Variants in RARB observed in about 807,000 individuals in gnomAD.
The protein encoded by RARB is retinoic acid receptor beta.
A neutral mutation model predicts 51.9 loss-of-function variants in RARB; 17 were observed. That is an observed-to-expected ratio of 0.33 (90% confidence interval 0.22 to 0.49). RARB has a LOEUF of 0.49. Ranked by LOEUF, RARB falls within the 20% of genes least tolerant of loss-of-function variation. RARB has a pLI of 0.99. For synonymous variants in RARB, 215 were observed against 195.4 expected, an observed-to-expected ratio of 1.10 and a Z score of -0.84; for missense variants, 369 against 550.8, an observed-to-expected ratio of 0.67 and a Z score of 3.30.
chr3:25,587,701 G>A (rs950852058), intron 5 of RARB, among the ~76,000 whole-genome samples: 1 of 152,136 alleles, frequency 6.6e-6, no homozygotes, highest in Non-Finnish European at 1.5e-5. Context: ...CACTATATGC[G>A]CTGCGTGTGT....
chr3:25,157,214 G>A (rs1700388873), intron 4 of RARB, among the ~76,000 whole-genome samples: 1 of 152,116 alleles, frequency 6.6e-6, no homozygotes, highest in Non-Finnish European at 1.5e-5. Context: ...ATGTGTGAAT[G>A]TGAACTGGCT....
At chr3:25,433,684 G>A (rs184336678) in intron 1 of RARB, among the ~76,000 whole-genome samples, 2 of 152,234 alleles carry the variant, frequency 1.3e-5, no homozygotes, top group Admixed American at 6.5e-5. Context: ...CTTGGTCTAA[G>A]TACCTCTTGT....
chr3:24,966,988 A>T lies in RARB; in HGVS notation c.-379-93137A>T, dbSNP rs538579479. Among the ~76,000 whole-genome samples the T allele has an allele frequency of 6.3e-3, 954 of 152,272 alleles. 9 individuals are homozygous for T. The highest frequency in any genetic ancestry group is 0.022 in the African/African-American group (901 of 41,550). On this transcript the variant is annotated intron_variant, in intron 2 of 11. Coordinates refer to the RARB transcript ENST00000383772. ...TTCTATCATGGAAGTCACAAACCAGATGCCCATATTCAAAATTAAATGTGT... is the reference window on the plus strand; with the variant it reads ...TTCTATCATGGAAGTCACAAACCAGTTGCCCATATTCAAAATTAAATGTGT...
chr3:25,555,286 C>A (rs956260920), intron 3 of RARB, among the ~76,000 whole-genome samples: 1 of 152,190 alleles, frequency 6.6e-6, no homozygotes, highest in African/African-American at 2.4e-5. Flanking sequence ...CTCAGATGGC[C>A]CCTCATCAGA....
chr3:25,213,768 T>C (rs1347201732), intron 5 of RARB, among the ~76,000 whole-genome samples: 1 of 152,194 alleles, frequency 6.6e-6, no homozygotes, highest in Non-Finnish European at 1.5e-5. Flanking sequence ...TCACCAAAGA[T>C]GTCAAACTAT....
chr3:24,998,423 AT>A (rs931761013), intron 2 of RARB, among the ~76,000 whole-genome samples: 34 of 151,632 alleles, frequency 2.2e-4, no homozygotes, highest in Non-Finnish European at 4.4e-5. Context: ...TGGTGTTTGG[AT>A]TTTTTTGTGG....
At chr3:25,089,023 AGT>A (rs1699150957) in intron 3 of RARB, among the ~76,000 whole-genome samples, 1 of 150,816 alleles carries the variant, frequency 6.6e-6, no homozygotes, top group Non-Finnish European at 1.5e-5. Flanking sequence ...TTACTAATTG[AGT>A]AAGAGTCTGT....
intron 3 of RARB, among the ~76,000 whole-genome samples, chr3:25,559,735 T>C (rs1316527882): frequency 6.6e-6 from 1 of 152,098 alleles, no homozygotes; most frequent in African/African-American, 2.4e-5. Flanking sequence ...CAGAGATAGA[T>C]AGACAGACAG....
intron 2 of RARB, among the ~76,000 whole-genome samples, chr3:24,963,217 C>T (rs1475491915): frequency 6.6e-6 from 1 of 151,888 alleles, no homozygotes; most frequent in Non-Finnish European, 1.5e-5. Flanking sequence ...GTGAATCTGT[C>T]CTTGGCCCCT....
intron 5 of RARB, among the ~76,000 whole-genome samples, chr3:25,325,602 A>G (rs1704692969): frequency 1.3e-5 from 2 of 151,322 alleles, no homozygotes; most frequent in Middle Eastern, 3.2e-3. Context: ...CTCCTCATCT[A>G]TTCCTTATCC....
chr3:24,963,053 T>G (rs1010129847), intron 2 of RARB, among the ~76,000 whole-genome samples: 1 of 152,200 alleles, frequency 6.6e-6, no homozygotes, highest in African/African-American at 2.4e-5. Flanking sequence ...GGTTTGTGCC[T>G]CCTGATGAAC....
At chr3:25,228,169 A>C (rs1375883630) in intron 5 of RARB, among the ~76,000 whole-genome samples, 1 of 150,472 alleles carries the variant, frequency 6.6e-6, no homozygotes, top group Non-Finnish European at 1.5e-5. Context: ...GTGCAGATAC[A>C]GAACTTCCTT....
chr3:25,318,416 C>T (rs747968543), intron 5 of RARB, among the ~76,000 whole-genome samples: 10 of 152,042 alleles, frequency 6.6e-5, no homozygotes, highest in Non-Finnish European at 1.3e-4. Context: ...ATTTATGATG[C>T]GACACTTCAA....
chr3:25,214,570 C>A (rs968154476), intron 5 of RARB, among the ~76,000 whole-genome samples: 1 of 152,104 alleles, frequency 6.6e-6, no homozygotes, highest in African/African-American at 2.4e-5. Context: ...AATGGGACTG[C>A]AGAAGAAATT....
intron 2 of RARB, among the ~76,000 whole-genome samples, chr3:25,027,264 G>A (rs548470962): frequency 3.8e-4 from 58 of 152,296 alleles, no homozygotes; most frequent in African/African-American, 1.3e-3. Flanking sequence ...GGGGGAGCGA[G>A]TTTTGATGGG....
At chr3:25,244,338 T>C (rs1012016061) in intron 5 of RARB, among the ~76,000 whole-genome samples, 1 of 151,914 alleles carries the variant, frequency 6.6e-6, no homozygotes, top group Non-Finnish European at 1.5e-5. Context: ...CTTAGTTGTT[T>C]CTTGTCTTCT....
intron 5 of RARB, among the ~76,000 whole-genome samples, chr3:25,243,513 C>T (rs1702481968): frequency 6.6e-6 from 1 of 152,026 alleles, no homozygotes; most frequent in African/African-American, 2.4e-5. Context: ...GTGTTTTTAG[C>T]CTGAAGGGGT....
At chr3:25,193,661 G>A (rs1355016586) in intron 5 of RARB, among the ~76,000 whole-genome samples, 1 of 151,858 alleles carries the variant, frequency 6.6e-6, no homozygotes, top group Admixed American at 6.6e-5. Context: ...TTCTTTGCTA[G>A]CAGCTGTTGT....
intron 3 of RARB, among the ~76,000 whole-genome samples, chr3:25,100,598 A>T (rs969398652): frequency 5.3e-5 from 8 of 152,194 alleles, no homozygotes; most frequent in African/African-American, 1.4e-4. Context: ...GTTTCCACTG[A>T]TCTGAAGGGG....
Sources: gnomAD v4.1 joint callset for allele counts (sites outside exome capture counted in the v4.1 genomes callset) on GRCh38, gnomAD v4.1.1 for gene constraint, MANE v1.5 for transcripts, NCBI Gene and HGNC (gene_info 2026-07-23, HGNC 2026-07-21) for gene names.